TMTC1: variants seen among roughly 807,000 people sequenced by gnomAD.
TMTC1 encodes protein O-mannosyl-transferase TMTC1.
Under a neutral mutation model 104.8 loss-of-function variants are expected in TMTC1, and 73 were observed. The ratio of observed to expected loss-of-function variants is 0.70; its 90% CI spans 0.58 to 0.85. The LOEUF (loss-of-function observed/expected upper bound fraction) is 0.85, where lower values mean the gene tolerates loss of function less well. Ranked by LOEUF, TMTC1 falls within the 40% of genes least tolerant of loss-of-function variation. The pLI is 0.00. For synonymous variants in TMTC1, 434 were observed against 428.7 expected (o/e 1.01, Z -0.15); for missense variants, 1,035 against 1,096.1 (o/e 0.94, Z 0.79).
At chr12:29,571,958 A>G in intron 9 of TMTC1, 147 bp downstream of exon 9, 1 of 597,436 alleles carries the variant, frequency 1.7e-6, no homozygotes, top group Non-Finnish European at 3.0e-6. Flanking sequence ...CAAAAGACTC[A>G]GAGTCCAAGA....
intron 5 of TMTC1, among the ~76,000 whole-genome samples, chr12:29,740,940 A>G (rs2136943228): frequency 6.6e-6 from 1 of 152,348 alleles, no homozygotes; most frequent in Admixed American, 6.5e-5. Context: ...GTTAGAGTCT[A>G]GTGTATTTTT....
At position 29,633,298 on chromosome 12, in the gene TMTC1, C is replaced by T; in HGVS notation, c.977G>A (p.Trp326Ter). The change falls in exon 6 of 18, where the codon TGG (tryptophan) becomes TAG (stop). Residue 326 changes from tryptophan (W) to a stop codon, truncating the protein, a stop_gained. Transcript: ENST00000539277. LOFTEE classifies it high-confidence loss of function. The stretch of plus-strand genomic sequence containing the variant: ...CAGGGTCACGGGTGCAAGCAGAAGC[C>T]ACACATTGAAGGCCAAGAGGTAGGA... ...TYSYLLAFNVWLLLAPVTLCY... is the reference protein window; with the variant it reads ...TYSYLLAFNV 1 of 1,613,542 alleles carries T rather than the reference C, an allele frequency of 6.2e-7. No homozygotes were observed. The highest frequency in any genetic ancestry group is 8.5e-7 in the Non-Finnish European group (1 of 1,179,720).
At chr12:29,513,786 T>C (rs1008748917) in intron 16 of TMTC1, among the ~76,000 whole-genome samples, 1 of 152,208 alleles carries the variant, frequency 6.6e-6, no homozygotes, top group African/African-American at 2.4e-5. Context: ...CAAAACATTG[T>C]TTTAGAACAG....
At chr12:29,518,446 T>C in intron 13 of TMTC1, 26 bp downstream of exon 13, 1 of 1,606,128 alleles carries the variant, frequency 6.2e-7, no homozygotes, top group South Asian at 1.1e-5. Context: ...CTGGGCAACT[T>C]ATAAAGAAAA....
In TMTC1 at chr12:29,590,966, C is replaced by T. The variant is rs146010965; in HGVS notation, c.1251-7392G>A. On this transcript the variant is annotated intron_variant, in intron 7 of 17. Coordinates refer to ENST00000539277, the MANE Select transcript of TMTC1 (RefSeq NM_001193451.2). ...CCTCAGCTTCTTCCTTTTAGGTTGA[C>T]AATAGTTTGTGGATCCCTGCTATAA... 6.3e-3 allele frequency among the ~76,000 whole-genome samples: 958 copies of T among 152,224 alleles called. 5 individuals are homozygous for T. The highest frequency in any genetic ancestry group is 0.02 in the Middle Eastern group (6 of 294).
chr12:29,688,305 C>A (rs1281818176), intron 5 of TMTC1, among the ~76,000 whole-genome samples: 1 of 152,224 alleles, frequency 6.6e-6, no homozygotes, highest in African/African-American at 2.4e-5. Flanking sequence ...TGATTTATAT[C>A]TTTATTTCTC....
Position 29,503,244 on chromosome 12 carries a change from T to A in TMTC1, c.*3602A>T, listed in dbSNP as rs1943632658. 1 of 152,310 alleles carries A rather than the reference T, an allele frequency of 6.6e-6. No individual in the cohort carries two copies. The highest frequency in any genetic ancestry group is 3.4e-3 in the Middle Eastern group (1 of 294). 9.4% of individuals were successfully genotyped at this position (152,310 alleles called of 1,614,324 possible). On this transcript the variant is annotated 3_prime_UTR_variant, in exon 18 of 18. Transcript: ENST00000539277. ...TCTTTGTTTTGTGATAGGCTTTAAA[T>A]TAAACAACCCAAAAGGATATATCTC... is the stretch of plus-strand genomic sequence containing the variant.
Position 29,666,384 on chromosome 12 carries a change from A to AT in TMTC1, c.939-33049dup, listed in dbSNP as rs1376039384. ...CTGGGACTACCACCATGCCTGGCTAATTTTTTTTTTGTTGTTGTTGTTGTA... is the reference window on the plus strand; with the variant it reads ...CTGGGACTACCACCATGCCTGGCTAATTTTTTTTTTTGTTGTTGTTGTTGTA... On this transcript the variant is annotated intron_variant, in intron 5 of 17. Transcript: ENST00000539277. The AT allele has an allele frequency of 5.4e-3, 1,607 of 298,914 alleles. 7 individuals are homozygous for AT. Among genetic ancestry groups the AT allele is most frequent in the African/African-American group, 0.015 (653 of 42,712 alleles). The allele number at this position is 298,914 out of a possible 1,614,324, so 18.5% of individuals were successfully genotyped here.
chr12:29,694,910 G>A (rs546489794), intron 5 of TMTC1, among the ~76,000 whole-genome samples: 180 of 151,890 alleles, frequency 1.2e-3, no homozygotes, highest in African/African-American at 4.2e-3. Context: ...CTCTAGCCTG[G>A]GCAACAAGAG....
Position 29,500,861 on chromosome 12 carries a change from T to C in TMTC1, c.*5985A>G, listed in dbSNP as rs1000030110. The C allele has an allele frequency of 6.6e-6, 1 of 152,644 alleles. No individual in the cohort carries two copies. The highest frequency in any genetic ancestry group is 1.9e-4 in the East Asian group (1 of 5,202). The allele number at this position is 152,644 out of a possible 1,614,324, so 9.5% of individuals were successfully genotyped here. On this transcript the variant is annotated 3_prime_UTR_variant, in exon 18 of 18. Transcript: ENST00000539277. ...ATACTTATTTTAATCATATTTTATA[T>C]AAAATAGACATTTACATAAATTTAA...
chr12:29,736,452 T>C (rs1205384801), intron 5 of TMTC1, among the ~76,000 whole-genome samples: 2 of 152,094 alleles, frequency 1.3e-5, no homozygotes, highest in Non-Finnish European at 2.9e-5. Flanking sequence ...CAGAGTCTTA[T>C]TTGGTCGCCC....
intron 6 of TMTC1, among the ~76,000 whole-genome samples, chr12:29,621,264 A>C (rs1318172121): frequency 6.6e-6 from 1 of 152,246 alleles, no homozygotes; most frequent in Non-Finnish European, 1.5e-5. Flanking sequence ...TACCAGGTTT[A>C]TAACTGCTAT....
chr12:29,552,568 C>A (rs185503289), intron 10 of TMTC1, among the ~76,000 whole-genome samples: 105 of 152,240 alleles, frequency 6.9e-4, no homozygotes, highest in African/African-American at 1.7e-3. Flanking sequence ...GGCAGAAGGG[C>A]TAGAGCAGGT....
chr12:29,771,364 T>C (rs1392583803), intron 1 of TMTC1, among the ~76,000 whole-genome samples: 1 of 152,140 alleles, frequency 6.6e-6, no homozygotes, highest in African/African-American at 2.4e-5. Flanking sequence ...CATAGGTCAT[T>C]GCCCTATGTA....
chr12:29,748,580 T>C lies in TMTC1; in HGVS notation c.938+3086A>G, dbSNP rs145637494. On this transcript the variant is annotated intron_variant, in intron 5 of 17. Transcript: ENST00000539277. ...AACTTGGACAAGGTTTTTTAACCTC[T>C]AAGCCTCAGTTTCTTCATAGCAATG... Among the ~76,000 whole-genome samples the C allele has an allele frequency of 7.8e-3, 1,190 of 152,366 alleles. 21 individuals are homozygous for C. Among genetic ancestry groups the C allele is most frequent in the African/African-American group, 0.027 (1,138 of 41,576 alleles).
chr12:29,526,330 G>A (rs1327229811), intron 11 of TMTC1, among the ~76,000 whole-genome samples: 2 of 152,142 alleles, frequency 1.3e-5, no homozygotes, highest in Admixed American at 6.5e-5. Flanking sequence ...ACTGAATTTA[G>A]ATCCTCTCAA....
chr12:29,676,731 T>C (rs1304088043), intron 5 of TMTC1, among the ~76,000 whole-genome samples: 3 of 152,186 alleles, frequency 2.0e-5, no homozygotes, highest in Non-Finnish European at 2.9e-5. Flanking sequence ...AAAATCATGA[T>C]TGATCACCAA....
intron 5 of TMTC1, among the ~76,000 whole-genome samples, chr12:29,663,679 G>A (rs890434791): frequency 1.4e-5 from 2 of 144,610 alleles, no homozygotes; most frequent in Non-Finnish European, 3.1e-5. Context: ...ACCATGCCTG[G>A]CTAATATTTG....
intron 6 of TMTC1, chr12:29,613,849 T>C (rs1027484992): frequency 1.5e-6 from 1 of 655,188 alleles, no homozygotes; most frequent in Non-Finnish European, 1.9e-6. Flanking sequence ...GGATGATCAC[T>C]TCTTTTCTGT....
Sources: allele counts gnomAD v4.1 joint callset (sites outside exome capture counted in the v4.1 genomes callset), GRCh38; gene constraint gnomAD v4.1.1; transcripts MANE v1.5; gene names NCBI Gene and HGNC (gene_info 2026-07-23, HGNC 2026-07-21).